The following KLF8 variants were observed in gnomAD, a reference collection of about 807,000 sequenced individuals.
The protein encoded by KLF8 is Krueppel-like factor 8.
KLF8 carries 10 observed loss-of-function variants against 18.2 expected under a neutral mutation model. The ratio of observed to expected loss-of-function variants is 0.55; its 90% CI spans 0.34 to 0.93. The LOEUF is 0.93. Among genes scored for constraint, KLF8 ranks in the 40% least tolerant of loss-of-function variants. The pLI, the probability that KLF8 is intolerant of heterozygous loss-of-function variation, is 0.02. For missense variants in KLF8, 264 were observed against 277.9 expected, an observed-to-expected ratio of 0.95 and a Z score of 0.36; for synonymous variants, 109 against 97.3, an observed-to-expected ratio of 1.12 and a Z score of -0.71.
At chrX:56,155,470 G>A in the KLF8 span, among the ~76,000 whole-genome samples, 142 of 110,683 alleles carry the variant, frequency 1.3e-3, no homozygotes, top group Non-Finnish European at 2.1e-3. Flanking sequence ...TGGAGGAAGC[G>A]GGGAGGGATA....
At chrX:56,020,843 T>A in the KLF8 span, among the ~76,000 whole-genome samples, 1 of 112,153 alleles carries the variant, frequency 8.9e-6, no homozygotes, top group Non-Finnish European at 1.9e-5. Context: ...TACCTATAAG[T>A]ATAGCTGTGC....
the KLF8 span, among the ~76,000 whole-genome samples, chrX:55,947,584 A>G: frequency 1.8e-5 from 2 of 110,026 alleles, no homozygotes; most frequent in African/African-American, 3.3e-5. Context: ...ACATGCATAC[A>G]TATGTAACTA....
At chrX:55,915,575 A>G in the KLF8 span, among the ~76,000 whole-genome samples, 1 of 112,053 alleles carries the variant, frequency 8.9e-6, no homozygotes, top group Non-Finnish European at 1.9e-5. Flanking sequence ...CCACAGATGT[A>G]CTTGCCTTGA....
At chrX:56,141,491 T>A in the KLF8 span, among the ~76,000 whole-genome samples, 55 of 111,596 alleles carry the variant, frequency 4.9e-4, no homozygotes, top group African/African-American at 1.8e-3. Flanking sequence ...AGTAATCTAT[T>A]TTTTCTAATT....
chrX:56,070,216 G>A, the KLF8 span, among the ~76,000 whole-genome samples: 1 of 110,611 alleles, frequency 9.0e-6, no homozygotes, highest in Non-Finnish European at 1.9e-5. Flanking sequence ...CATGGACACA[G>A]GGAGGCAAAC....
At chrX:56,025,032 G>C in the KLF8 span, among the ~76,000 whole-genome samples, 1 of 112,397 alleles carries the variant, frequency 8.9e-6, no homozygotes, top group African/African-American at 3.2e-5. Flanking sequence ...TGGTTCTTTT[G>C]GGCTGGGAAT....
intron 3 of KLF8, chrX:56,268,959 GA>G: frequency 1.1e-6 from 1 of 943,802 alleles, no homozygotes; most frequent in Non-Finnish European, 1.3e-6. Flanking sequence ...ACTAATCCTA[GA>G]ATTTGATTTT....
At chrX:56,047,618 G>A in the KLF8 span, among the ~76,000 whole-genome samples, 1 of 111,161 alleles carries the variant, frequency 9.0e-6, no homozygotes, top group East Asian at 2.8e-4. Flanking sequence ...TGGCTGCAGA[G>A]TATTCCATGG....
the KLF8 span, among the ~76,000 whole-genome samples, chrX:56,033,838 C>T: frequency 8.9e-6 from 1 of 112,097 alleles, no homozygotes; most frequent in Non-Finnish European, 1.9e-5. Flanking sequence ...GATCTTTTGT[C>T]TGTTTTAAAA....
At chrX:56,068,580 A>G in the KLF8 span, among the ~76,000 whole-genome samples, 3 of 111,751 alleles carry the variant, frequency 2.7e-5, no homozygotes, top group East Asian at 5.7e-4. Flanking sequence ...ACTGGCAACC[A>G]GGCAAGCAAT....
the KLF8 span, among the ~76,000 whole-genome samples, chrX:56,126,034 T>C: frequency 3.6e-5 from 4 of 111,889 alleles, no homozygotes; most frequent in African/African-American, 1.3e-4. Flanking sequence ...CAGAAAACAC[T>C]AAAATCATGT....
chrX:56,121,411 G>T, the KLF8 span, among the ~76,000 whole-genome samples: 1 of 111,334 alleles, frequency 9.0e-6, no homozygotes, highest in Non-Finnish European at 1.9e-5. Context: ...GAACGTTTCT[G>T]AGTGGGCAGG....
At chrX:56,207,199 A>T in the KLF8 span, among the ~76,000 whole-genome samples, 1 of 112,610 alleles carries the variant, frequency 8.9e-6, no homozygotes, top group African/African-American at 3.2e-5. Flanking sequence ...AAGACCTCTG[A>T]CATGCCCTGG....
the KLF8 span, among the ~76,000 whole-genome samples, chrX:56,135,849 C>T: frequency 4.5e-5 from 5 of 111,674 alleles, no homozygotes; most frequent in Non-Finnish European, 9.4e-5. Context: ...ACCAGAATCT[C>T]TTGGATACAG....
chrX:56,047,169 C>T, the KLF8 span, among the ~76,000 whole-genome samples: 9 of 110,269 alleles, frequency 8.2e-5, no homozygotes, highest in African/African-American at 2.6e-4. Flanking sequence ...CTTTCCAGTA[C>T]ATTTTGCATT....
the KLF8 span, among the ~76,000 whole-genome samples, chrX:55,946,844 C>T: frequency 9.0e-6 from 1 of 111,602 alleles, no homozygotes. Context: ...ACAGACACTT[C>T]TGAAAAGAAG....
At chrX:55,965,230 A>G in the KLF8 span, among the ~76,000 whole-genome samples, 1 of 112,490 alleles carries the variant, frequency 8.9e-6, no homozygotes, top group Non-Finnish European at 1.9e-5. Context: ...GCAAACTTGG[A>G]TCAACATATA....
the KLF8 span, among the ~76,000 whole-genome samples, chrX:56,050,784 C>G: frequency 6.6e-4 from 73 of 111,107 alleles, no homozygotes; most frequent in Non-Finnish European, 1.3e-3. Context: ...TCTATTAGGT[C>G]CGCTTGGTGC....
chrX:56,225,016 A>G, the KLF8 span, among the ~76,000 whole-genome samples: 1 of 110,938 alleles, frequency 9.0e-6, no homozygotes, highest in East Asian at 2.8e-4. Context: ...CACTATTCTC[A>G]TCTTTGCAGG....
Sources: gnomAD v4.1 joint callset for allele counts (sites outside exome capture counted in the v4.1 genomes callset) on GRCh38, gnomAD v4.1.1 for gene constraint, MANE v1.5 for transcripts, NCBI Gene and HGNC (gene_info 2026-07-23, HGNC 2026-07-21) for gene names.